The following PDE10A variants were observed in gnomAD, a reference collection of about 807,000 sequenced individuals.
PDE10A encodes the protein phosphodiesterase 10A.
PDE10A carries 39 observed loss-of-function variants against 97.7 expected under a neutral mutation model. The ratio of observed to expected loss-of-function variants is 0.40; its 90% CI spans 0.31 to 0.52. The LOEUF (loss-of-function observed/expected upper bound fraction) is 0.52, where lower values mean the gene tolerates loss of function less well. Among genes scored for constraint, PDE10A ranks in the 20% least tolerant of loss-of-function variants. PDE10A has a pLI of 0.56. For missense variants in PDE10A, 731 were observed against 1,047.8 expected (o/e 0.70, Z 4.17); for synonymous variants, 371 against 376.8 (o/e 0.98, Z 0.18).
chr6:165,530,489 A>G (rs181545452), intron 2 of PDE10A, among the ~76,000 whole-genome samples: 4 of 152,190 alleles, frequency 2.6e-5, no homozygotes, highest in Admixed American at 2.6e-4. Flanking sequence ...GAACAGAAAA[A>G]CTACCTATTG....
chr6:165,848,838 G>GC (rs1429570564), intron 1 of PDE10A, among the ~76,000 whole-genome samples: 4 of 152,204 alleles, frequency 2.6e-5, no homozygotes, highest in Non-Finnish European at 4.4e-5. Context: ...TCCCAGGGGG[G>GC]CCCCACGGGA....
intron 12 of PDE10A, among the ~76,000 whole-genome samples, chr6:165,415,315 T>C (rs1788232724): frequency 6.6e-6 from 1 of 152,204 alleles, no homozygotes. Context: ...ATATTTGACA[T>C]CAATTGATCA....
chr6:165,332,140 T>C lies in PDE10A; in HGVS notation c.*885A>G, dbSNP rs1234828214. On this transcript the variant is annotated 3_prime_UTR_variant, in exon 22 of 22. Transcript: ENST00000539869. ...AAGTGAAAATATAAAGGAATCATTA[T>C]GAAAAATGTACCCTTCGTATCCATA... is the stretch of plus-strand genomic sequence containing the variant. 3.3e-5 allele frequency: 5 copies of C among 152,170 alleles called. No homozygotes were observed. The highest frequency in any genetic ancestry group is 2.6e-4 in the Admixed American group (4 of 15,276). 9.4% of individuals were successfully genotyped at this position (152,170 alleles called of 1,614,324 possible). A position where few individuals can be genotyped will look rare whatever the true frequency, so the allele number is the denominator to read the frequency against.
intron 1 of PDE10A, among the ~76,000 whole-genome samples, chr6:165,704,736 T>G (rs576538319): frequency 6.6e-6 from 1 of 152,326 alleles, no homozygotes; most frequent in African/African-American, 2.4e-5. Context: ...ATGAGAAGAT[T>G]GAGAAATCAA....
At chr6:165,926,197 C>A (rs1782930942) in intron 1 of PDE10A, among the ~76,000 whole-genome samples, 2 of 152,074 alleles carry the variant, frequency 1.3e-5, no homozygotes, top group Non-Finnish European at 2.9e-5. Context: ...ATGGTGCCAT[C>A]TTTGATTTCT....
rs559610435 is a variant in PDE10A, at chr6:165,926,931, G to A, written c.-615+60598C>T. On this transcript the variant is annotated intron_variant, in intron 1 of 19. Coordinates refer to the PDE10A transcript ENST00000366882. ...GGGCTGTGTGGGAGAGGGGTTGATT[G>A]GAGTTTACTTACTATAGAAACAAAC... Among the ~76,000 whole-genome samples, 114 of 152,278 alleles carry A rather than the reference G, an allele frequency of 7.5e-4. 1 individual carries two copies. In the South Asian group the frequency reaches 0.012, roughly 16 times the overall value.
At chr6:165,966,032 A>G (rs898800152) in intron 1 of PDE10A, among the ~76,000 whole-genome samples, 2 of 152,238 alleles carry the variant, frequency 1.3e-5, no homozygotes, top group African/African-American at 4.8e-5. Context: ...AAACATCACT[A>G]AACACCTCCA....
intron 1 of PDE10A, among the ~76,000 whole-genome samples, chr6:165,971,777 A>G (rs1265575041): frequency 1.3e-5 from 2 of 152,340 alleles, no homozygotes; most frequent in Non-Finnish European, 2.9e-5. Flanking sequence ...ATTTCCAAAG[A>G]TAACTTGGCA....
At chr6:165,473,930 C>A (rs1167929212) in intron 3 of PDE10A, among the ~76,000 whole-genome samples, 1 of 152,182 alleles carries the variant, frequency 6.6e-6, no homozygotes, top group African/African-American at 2.4e-5. Context: ...ATTTTCAAGT[C>A]ATTCACTCAA....
intron 1 of PDE10A, among the ~76,000 whole-genome samples, chr6:165,720,097 T>C (rs1792128232): frequency 6.6e-6 from 1 of 152,204 alleles, no homozygotes; most frequent in Non-Finnish European, 1.5e-5. Flanking sequence ...AATAGTGATG[T>C]ATTATCTAGG....
At chr6:165,730,039 A>T (rs1172019036) in intron 1 of PDE10A, among the ~76,000 whole-genome samples, 1 of 152,172 alleles carries the variant, frequency 6.6e-6, no homozygotes, top group Non-Finnish European at 1.5e-5. Context: ...TATCTTGGAG[A>T]TATATACGTA....
chr6:165,699,253 G>A (rs1399665524), intron 1 of PDE10A, among the ~76,000 whole-genome samples: 3 of 152,122 alleles, frequency 2.0e-5, no homozygotes, highest in Non-Finnish European at 4.4e-5. Flanking sequence ...TAAAGAGGGG[G>A]CATTTTATAA....
At chr6:165,858,515 G>A (rs150865146) in intron 1 of PDE10A, among the ~76,000 whole-genome samples, 1 of 152,308 alleles carries the variant, frequency 6.6e-6, no homozygotes, top group East Asian at 1.9e-4. Flanking sequence ...GACGTGAACG[G>A]TCACTGGGGG....
intron 1 of PDE10A, among the ~76,000 whole-genome samples, chr6:165,809,185 C>T (rs1779213672): frequency 6.6e-6 from 1 of 152,222 alleles, no homozygotes; most frequent in African/African-American, 2.4e-5. Flanking sequence ...GAAAATTAAG[C>T]TTGTTCTTCC....
At chr6:165,904,421 A>G (rs1391393470) in intron 1 of PDE10A, among the ~76,000 whole-genome samples, 1 of 152,244 alleles carries the variant, frequency 6.6e-6, no homozygotes, top group Non-Finnish European at 1.5e-5. Flanking sequence ...GTCATTGGCC[A>G]AGAGTAAAAA....
chr6:165,480,859 C>T (rs1018812837), intron 3 of PDE10A, among the ~76,000 whole-genome samples: 8 of 152,096 alleles, frequency 5.3e-5, no homozygotes, highest in South Asian at 2.1e-4. Flanking sequence ...GATCAAGATA[C>T]GGGGTACGTT....
intron 1 of PDE10A, among the ~76,000 whole-genome samples, chr6:165,984,789 T>G (rs1785133575): frequency 6.6e-6 from 1 of 152,190 alleles, no homozygotes; most frequent in South Asian, 2.1e-4. Flanking sequence ...AAGCCTGCAG[T>G]TACTGAAATA....
intron 2 of PDE10A, among the ~76,000 whole-genome samples, chr6:165,542,027 T>G (rs1257778069): frequency 6.6e-6 from 1 of 152,196 alleles, no homozygotes; most frequent in Non-Finnish European, 1.5e-5. Context: ...CAATTATACA[T>G]TTTTATTCAT....
At chr6:165,764,390 C>G (rs925757154) in intron 1 of PDE10A, among the ~76,000 whole-genome samples, 1 of 152,162 alleles carries the variant, frequency 6.6e-6, no homozygotes, top group Non-Finnish European at 1.5e-5. Flanking sequence ...AAAAATCAAA[C>G]AGCATAGATA....
Sources: gnomAD v4.1 joint callset for allele counts (sites outside exome capture counted in the v4.1 genomes callset) on GRCh38, gnomAD v4.1.1 for gene constraint, MANE v1.5 for transcripts, NCBI Gene and HGNC (gene_info 2026-07-23, HGNC 2026-07-21) for gene names.